SGCZ: variants seen among roughly 807,000 people sequenced by gnomAD.
SGCZ encodes zeta-sarcoglycan.
Under a neutral mutation model 41.3 loss-of-function variants are expected in SGCZ, and 40 were observed. The ratio of observed to expected loss-of-function variants is 0.97; its 90% CI spans 0.75 to 1.26. SGCZ has a LOEUF of 1.26. Ranked by LOEUF, SGCZ falls within the 50% of genes most tolerant of loss-of-function variation. SGCZ has a pLI of 0.00. For synonymous variants in SGCZ, 206 were observed against 137.5 expected, an observed-to-expected ratio of 1.50 and a Z score of -3.49; for missense variants, 552 against 369.8, an observed-to-expected ratio of 1.49 and a Z score of -4.04.
At chr8:15,186,734 T>C (rs1212092714) in intron 1 of SGCZ, among the ~76,000 whole-genome samples, 1 of 152,200 alleles carries the variant, frequency 6.6e-6, no homozygotes, top group Non-Finnish European at 1.5e-5. Context: ...GAAAACTAGC[T>C]GATTTCAATC....
chr8:14,130,464 C>G (rs1803004930), intron 5 of SGCZ, among the ~76,000 whole-genome samples: 1 of 150,382 alleles, frequency 6.6e-6, no homozygotes, highest in African/African-American at 2.4e-5. Context: ...CTAGGGGTTC[C>G]TGCCATGTTT....
intron 1 of SGCZ, among the ~76,000 whole-genome samples, chr8:14,897,629 G>T (rs944674435): frequency 4.6e-5 from 7 of 152,190 alleles, no homozygotes; most frequent in African/African-American, 1.7e-4. Flanking sequence ...TCATAATGAA[G>T]TCCCTGGAGA....
chr8:15,209,670 A>G (rs1039025837), intron 1 of SGCZ, among the ~76,000 whole-genome samples: 2 of 152,182 alleles, frequency 1.3e-5, no homozygotes, highest in Non-Finnish European at 2.9e-5. Flanking sequence ...TCAACACCAC[A>G]TAGATATCAA....
intron 1 of SGCZ, among the ~76,000 whole-genome samples, chr8:15,045,297 T>C (rs574025890): frequency 7.2e-5 from 11 of 152,178 alleles, no homozygotes; most frequent in African/African-American, 2.6e-4. Context: ...GATGAAAACT[T>C]AGCTGGGCCT....
intron 2 of SGCZ, among the ~76,000 whole-genome samples, chr8:14,479,227 GC>G (rs367750463): frequency 1.3e-5 from 2 of 152,280 alleles, no homozygotes; most frequent in African/African-American, 2.4e-5. Flanking sequence ...AGGCCAGAGA[GC>G]CCCTGGTAAA....
rs139012011 is a variant in SGCZ, at chr8:14,642,617, T to C, written c.40-87691A>G. Reference sequence around the variant, plus strand: ...AAATATTTTTCTTCCAAATGCTATGTTAATTTTCAATGGTAGCTTCCTTTC... The same window carrying C: ...AAATATTTTTCTTCCAAATGCTATGCTAATTTTCAATGGTAGCTTCCTTTC... On this transcript the variant is annotated intron_variant, in intron 1 of 7. Coordinates refer to ENST00000382080, the MANE Select transcript of SGCZ (RefSeq NM_139167.4). Among the ~76,000 whole-genome samples the C allele has an allele frequency of 2.7e-4, 41 of 151,724 alleles. No homozygotes were observed. The East Asian group carries it at 7.4e-3, about 27-fold the overall frequency.
chr8:14,268,273 A>T (rs2117255678), intron 3 of SGCZ, among the ~76,000 whole-genome samples: 1 of 149,534 alleles, frequency 6.7e-6, no homozygotes, highest in African/African-American at 2.4e-5. Flanking sequence ...TGTCTTCCCT[A>T]CTCCCAGGAT....
At chr8:14,536,829 A>G (rs972759268) in intron 2 of SGCZ, among the ~76,000 whole-genome samples, 2 of 151,932 alleles carry the variant, frequency 1.3e-5, no homozygotes, top group Non-Finnish European at 2.9e-5. Flanking sequence ...TGCCACAAAA[A>G]AGAAAATAGC....
rs192114064 is a variant in SGCZ at position 14,454,580 on chromosome 8, G to A, written c.234+100152C>T. ...AAAGTTCATACGTAAAAACAGATAC[G>A]AGTAGCTCAAAAACACTGTAAAAGA... On this transcript the variant is annotated intron_variant, in intron 2 of 7. Coordinates refer to ENST00000382080, the MANE Select transcript of SGCZ (RefSeq NM_139167.4). Among the ~76,000 whole-genome samples the A allele has an allele frequency of 7.9e-5, 12 of 152,184 alleles. No individual in the cohort carries two copies. In the South Asian group the frequency reaches 8.3e-4, roughly 11 times the overall value.
chr8:14,788,976 T>C (rs932016700), intron 1 of SGCZ, among the ~76,000 whole-genome samples: 23 of 152,134 alleles, frequency 1.5e-4, no homozygotes, highest in Admixed American at 2.0e-4. Context: ...AATAATAAAT[T>C]AAATGCTTGT....
chr8:14,983,111 G>C (rs371030913), intron 1 of SGCZ, among the ~76,000 whole-genome samples: 5 of 152,094 alleles, frequency 3.3e-5, no homozygotes, highest in Admixed American at 2.0e-4. Context: ...ATAAGATTTT[G>C]AGAACATTGT....
intron 1 of SGCZ, among the ~76,000 whole-genome samples, chr8:15,092,908 T>A (rs540946548): frequency 6.6e-6 from 1 of 152,238 alleles, no homozygotes; most frequent in East Asian, 1.9e-4. Flanking sequence ...GGAAAACAGA[T>A]GTGTAGGCAT....
chr8:15,229,227 C>G (rs1801872255), intron 1 of SGCZ, among the ~76,000 whole-genome samples: 1 of 151,952 alleles, frequency 6.6e-6, no homozygotes, highest in African/African-American at 2.4e-5. Context: ...ATAAGTTGTT[C>G]AGAAGAGATG....
At chr8:15,166,867 C>T (rs189836423) in intron 1 of SGCZ, among the ~76,000 whole-genome samples, 10 of 152,218 alleles carry the variant, frequency 6.6e-5, no homozygotes, top group Admixed American at 4.6e-4. Flanking sequence ...GAGATTGTAA[C>T]ATTGGAATAA....
intron 1 of SGCZ, among the ~76,000 whole-genome samples, chr8:14,672,308 G>A (rs764676017): frequency 1.3e-5 from 2 of 152,104 alleles, no homozygotes; most frequent in Non-Finnish European, 2.9e-5. Flanking sequence ...AATGCCCAAT[G>A]TCTCATATTC....
chr8:14,353,254 AAACT>A (rs1457293833), intron 2 of SGCZ, among the ~76,000 whole-genome samples: 13 of 152,132 alleles, frequency 8.5e-5, no homozygotes, highest in Admixed American at 5.2e-4. Context: ...TAGTAGATAG[AAACT>A]AACACAAAAA....
intron 3 of SGCZ, among the ~76,000 whole-genome samples, chr8:14,291,948 T>C (rs1291248128): frequency 2.0e-5 from 3 of 152,066 alleles, no homozygotes; most frequent in African/African-American, 7.2e-5. Flanking sequence ...TAATAACATA[T>C]TCAGCCAGAA....
At chr8:14,137,945 C>A (rs1803252194) in intron 5 of SGCZ, among the ~76,000 whole-genome samples, 1 of 152,112 alleles carries the variant, frequency 6.6e-6, no homozygotes, top group Admixed American at 6.6e-5. Context: ...GTCAGGTTAC[C>A]CACAAAGGGA....
chr8:14,576,112 G>C (rs1211262911), intron 1 of SGCZ, among the ~76,000 whole-genome samples: 4 of 152,074 alleles, frequency 2.6e-5, no homozygotes, highest in Admixed American at 2.6e-4. Context: ...TGTATTTCCG[G>C]ACAGTAATTG....
Sources: allele counts gnomAD v4.1 joint callset (sites outside exome capture counted in the v4.1 genomes callset), GRCh38; gene constraint gnomAD v4.1.1; transcripts MANE v1.5; gene names NCBI Gene and HGNC (gene_info 2026-07-23, HGNC 2026-07-21).